DIAPH2: variants seen among roughly 807,000 people sequenced by gnomAD.
The protein encoded by DIAPH2 is protein diaphanous homolog 2.
Under a neutral mutation model 92.7 loss-of-function variants are expected in DIAPH2, and 35 were observed. The ratio of observed to expected loss-of-function variants is 0.38; its 90% confidence interval spans 0.29 to 0.50. The LOEUF is 0.50. Ranked by LOEUF, DIAPH2 falls within the 20% of genes least tolerant of loss-of-function variation. DIAPH2 has a pLI of 0.94. For synonymous variants in DIAPH2, 301 were observed against 280.4 expected (o/e 1.07, Z -0.73); for missense variants, 701 against 819.5 (o/e 0.86, Z 1.77).
intron 19 of DIAPH2, 111 bp from the exon 20 acceptor site, chrX:97,099,572 TACCATAACAGA>T: frequency 2.5e-6 from 1 of 406,986 alleles, no homozygotes; most frequent in Non-Finnish European, 4.0e-6. Flanking sequence ...GATACTCTGG[TACCATAACAGA>T]ACCACAGTCA....
At chrX:96,809,272 CAAAT>C (rs1438027374) in intron 4 of DIAPH2, among the ~76,000 whole-genome samples, 4 of 105,977 alleles carry the variant, frequency 3.8e-5, no homozygotes, top group Non-Finnish European at 7.7e-5. Context: ...TTTCAAAGTA[CAAAT>C]AAATCAATAT....
chrX:97,160,915 T>A (rs2067365248), intron 22 of DIAPH2, among the ~76,000 whole-genome samples: 1 of 111,851 alleles, frequency 8.9e-6, no homozygotes, highest in Admixed American at 9.5e-5. Flanking sequence ...TGGAGCAGAC[T>A]TTAAAAATTA....
intron 22 of DIAPH2, among the ~76,000 whole-genome samples, chrX:97,186,041 G>A (rs1280680628): frequency 9.1e-6 from 1 of 110,389 alleles, no homozygotes; most frequent in Admixed American, 9.7e-5. Context: ...AGTCAAGTTA[G>A]ATTATCCCAA....
At chrX:97,467,183 A>G (rs1000993470) in intron 26 of DIAPH2, among the ~76,000 whole-genome samples, 34 of 112,057 alleles carry the variant, frequency 3.0e-4, no homozygotes, top group African/African-American at 1.1e-3. Context: ...AGAATATGAG[A>G]TAGGAAAAGT....
intron 26 of DIAPH2, among the ~76,000 whole-genome samples, chrX:97,548,338 C>T (rs534996637): frequency 1.9e-3 from 213 of 111,882 alleles, no homozygotes; most frequent in African/African-American, 6.7e-3. Flanking sequence ...TACAGCCTGC[C>T]CCAAACAGTA....
intron 26 of DIAPH2, among the ~76,000 whole-genome samples, chrX:97,453,467 GTCAGTGCATAAAATCTGTAATCACTGA>G (rs1401235120): frequency 2.7e-5 from 3 of 110,682 alleles, no homozygotes; most frequent in Admixed American, 9.7e-5. Flanking sequence ...CTTGGGTCAA[GTCAGTGCATAAAATCTGTAATCACTGA>G]TTTGAATATA....
intron 4 of DIAPH2, 152 bp from the exon 5 acceptor site, chrX:96,881,427 C>A: frequency 2.2e-6 from 1 of 446,222 alleles, no homozygotes. Flanking sequence ...ATATACAACA[C>A]AATTTTACTA....
intron 26 of DIAPH2, among the ~76,000 whole-genome samples, chrX:97,504,203 C>A (rs1468992042): frequency 8.9e-6 from 1 of 112,150 alleles, no homozygotes; most frequent in Non-Finnish European, 1.9e-5. Context: ...AAGTTGATCG[C>A]AGCACTTCAT....
intron 22 of DIAPH2, among the ~76,000 whole-genome samples, chrX:97,204,300 A>C (rs890346428): frequency 8.9e-6 from 1 of 111,923 alleles, no homozygotes; most frequent in South Asian, 3.7e-4. Context: ...CCTATTCGAC[A>C]TAGTATTGGA....
chrX:96,773,840 C>T (rs1252530000), intron 4 of DIAPH2, among the ~76,000 whole-genome samples: 1 of 111,104 alleles, frequency 9.0e-6, no homozygotes, highest in African/African-American at 3.3e-5. Flanking sequence ...GAGTAAGACT[C>T]TGTCTCAAAA....
intron 22 of DIAPH2, among the ~76,000 whole-genome samples, chrX:97,233,025 C>G (rs1300640490): frequency 8.9e-6 from 1 of 112,537 alleles, no homozygotes; most frequent in Non-Finnish European, 1.9e-5. Context: ...TATCATCTGA[C>G]TGATACTCCC....
chrX:97,199,316 A>G (rs1052683801), intron 22 of DIAPH2, among the ~76,000 whole-genome samples: 1 of 110,947 alleles, frequency 9.0e-6, no homozygotes, highest in Non-Finnish European at 1.9e-5. Context: ...CATGTTGTAT[A>G]GCTTAAATTG....
chrX:97,102,573 A>C (rs1285745472), intron 20 of DIAPH2, among the ~76,000 whole-genome samples: 2 of 112,259 alleles, frequency 1.8e-5, no homozygotes, highest in Non-Finnish European at 1.9e-5. Flanking sequence ...TATGAGAAGC[A>C]TGTTTACTTC....
intron 25 of DIAPH2, among the ~76,000 whole-genome samples, chrX:97,401,595 C>T (rs1267891891): frequency 8.9e-6 from 1 of 111,735 alleles, no homozygotes; most frequent in Non-Finnish European, 1.9e-5. Context: ...AGATTCTTGC[C>T]ATGCTGCAGC....
chrX:97,049,144 C>G (rs186709003), intron 17 of DIAPH2, among the ~76,000 whole-genome samples: 3 of 110,485 alleles, frequency 2.7e-5, no homozygotes, highest in African/African-American at 9.8e-5. Context: ...TTATATATGT[C>G]TCATCGGTTT....
chrX:97,019,877 T>C, intron 17 of DIAPH2, among the ~76,000 whole-genome samples: 1 of 112,125 alleles, frequency 8.9e-6, no homozygotes, highest in Non-Finnish European at 1.9e-5. Flanking sequence ...GTTAGTGAAG[T>C]TATAAAAATC....
intron 26 of DIAPH2, among the ~76,000 whole-genome samples, chrX:97,557,513 T>C (rs1356844847): frequency 8.9e-6 from 1 of 111,923 alleles, no homozygotes; most frequent in African/African-American, 3.3e-5. Flanking sequence ...CACTCCAGTC[T>C]GGGCAACAAG....
At chrX:96,805,510 A>C (rs1483800772) in intron 4 of DIAPH2, among the ~76,000 whole-genome samples, 4 of 111,117 alleles carry the variant, frequency 3.6e-5, no homozygotes, top group Non-Finnish European at 7.5e-5. Context: ...GGTCAAAACT[A>C]AATAAAAACT....
chrX:96,938,167 A>G (rs1156585748), intron 11 of DIAPH2, among the ~76,000 whole-genome samples: 1 of 111,145 alleles, frequency 9.0e-6, no homozygotes, highest in Non-Finnish European at 1.9e-5. Flanking sequence ...ATTTATGTAC[A>G]CTTCTGTGCC....
Sources: gnomAD v4.1 joint callset for allele counts (sites outside exome capture counted in the v4.1 genomes callset) on GRCh38, gnomAD v4.1.1 for gene constraint, MANE v1.5 for transcripts, NCBI Gene and HGNC (gene_info 2026-07-23, HGNC 2026-07-21) for gene names.